The following IQCM variants were observed in gnomAD, a reference collection of about 807,000 sequenced individuals.
The protein encoded by IQCM is IQ motif containing M, also known as IQ domain-containing protein M.
IQCM carries 45 observed loss-of-function variants against 57.6 expected under a neutral mutation model. The observed-to-expected ratio is 0.78, with a 90% CI of 0.62 to 1.00. The LOEUF (loss-of-function observed/expected upper bound fraction) is 1.00, where lower values mean the gene tolerates loss of function less well. IQCM is among the 50% of genes least tolerant of loss of function. The probability of loss-of-function intolerance (pLI) is 0.00; values close to 1 mark genes in which losing one functional copy is unlikely to be tolerated. For synonymous variants in IQCM, 148 were observed against 158.9 expected, an observed-to-expected ratio of 0.93 and a Z score of 0.51; for missense variants, 468 against 511.6, an observed-to-expected ratio of 0.91 and a Z score of 0.82.
intron 2 of IQCM, among the ~76,000 whole-genome samples, chr4:149,776,441 T>A (rs1350886466): frequency 6.6e-6 from 1 of 152,154 alleles, no homozygotes; most frequent in African/African-American, 2.4e-5. Flanking sequence ...ATTTCAAATC[T>A]AATATCTTTC....
At chr4:149,670,522 G>A (rs1005675639) in intron 7 of IQCM, among the ~76,000 whole-genome samples, 3 of 152,172 alleles carry the variant, frequency 2.0e-5, no homozygotes, top group Admixed American at 1.3e-4. Context: ...ACGTTGAATA[G>A]GAGTGGTGAG....
chr4:149,355,512 C>G (rs886881696), intron 13 of IQCM, among the ~76,000 whole-genome samples: 1 of 150,420 alleles, frequency 6.6e-6, no homozygotes, highest in East Asian at 2.0e-4. Context: ...TTTGTCCTTG[C>G]GATAGTTTGC....
intron 12 of IQCM, among the ~76,000 whole-genome samples, chr4:149,534,757 T>C (rs1159498729): frequency 2.0e-5 from 3 of 152,116 alleles, no homozygotes; most frequent in African/African-American, 7.2e-5. Context: ...GTATTCCATG[T>C]TGATTTCAAT....
chr4:149,466,895 A>T (rs776555197), intron 12 of IQCM, among the ~76,000 whole-genome samples: 1 of 152,170 alleles, frequency 6.6e-6, no homozygotes, highest in Non-Finnish European at 1.5e-5. Context: ...CTGCATCCAC[A>T]CAAGACAGAA....
At chr4:149,424,641 G>A (rs1315127062) in intron 13 of IQCM, among the ~76,000 whole-genome samples, 1 of 151,564 alleles carries the variant, frequency 6.6e-6, no homozygotes. Context: ...ATACTATTCT[G>A]TGATCTTTTT....
At chr4:149,396,632 T>C (rs1320655549) in intron 13 of IQCM, among the ~76,000 whole-genome samples, 4 of 152,034 alleles carry the variant, frequency 2.6e-5, no homozygotes, top group African/African-American at 7.2e-5. Flanking sequence ...TATGTTGTTA[T>C]TGACTATAGG....
At chr4:149,534,586 T>A (rs1375005571) in intron 12 of IQCM, among the ~76,000 whole-genome samples, 1 of 152,116 alleles carries the variant, frequency 6.6e-6, no homozygotes, top group Non-Finnish European at 1.5e-5. Flanking sequence ...ATATAAGGAA[T>A]CATTGACGAG....
At chr4:149,720,339 TATTA>T (rs1430623898) in intron 5 of IQCM, among the ~76,000 whole-genome samples, 11 of 152,352 alleles carry the variant, frequency 7.2e-5, no homozygotes, top group African/African-American at 2.6e-4. Flanking sequence ...TATAACATAC[TATTA>T]ATTCTATGTA....
At chr4:149,457,503 T>C (rs1737823992) in intron 12 of IQCM, among the ~76,000 whole-genome samples, 1 of 152,064 alleles carries the variant, frequency 6.6e-6, no homozygotes, top group Non-Finnish European at 1.5e-5. Flanking sequence ...ATTTTTTAAA[T>C]GTATAATAAA....
intron 13 of IQCM, among the ~76,000 whole-genome samples, chr4:149,359,410 A>G (rs1022549308): frequency 2.0e-5 from 3 of 152,148 alleles, no homozygotes; most frequent in African/African-American, 7.2e-5. Context: ...GCTTATCTAC[A>G]TTTTCAATGG....
chr4:149,564,657 T>C (rs747243255), intron 9 of IQCM, among the ~76,000 whole-genome samples: 1 of 152,134 alleles, frequency 6.6e-6, no homozygotes, highest in African/African-American at 2.4e-5. Context: ...CCTAGTCTCC[T>C]AGGCTATATT....
intron 13 of IQCM, among the ~76,000 whole-genome samples, chr4:149,385,111 G>A (rs1731330545): frequency 6.6e-6 from 1 of 152,066 alleles, no homozygotes; most frequent in South Asian, 2.1e-4. Context: ...AGATACTGGA[G>A]AGTGCCTACT....
chr4:149,497,242 C>A (rs1312988107), intron 12 of IQCM, among the ~76,000 whole-genome samples: 1 of 152,004 alleles, frequency 6.6e-6, no homozygotes, highest in Non-Finnish European at 1.5e-5. Flanking sequence ...AGGACTGGGC[C>A]TAAGAAGGTC....
chr4:149,635,899 T>C (rs536086248), intron 7 of IQCM, among the ~76,000 whole-genome samples: 1 of 152,214 alleles, frequency 6.6e-6, no homozygotes, highest in East Asian at 1.9e-4. Context: ...TTTCTAGTAA[T>C]AGAGGAAATA....
At chr4:149,763,853 T>A (rs1212684952) in intron 2 of IQCM, among the ~76,000 whole-genome samples, 1 of 152,186 alleles carries the variant, frequency 6.6e-6, no homozygotes, top group East Asian at 1.9e-4. Flanking sequence ...GGGAACTTTT[T>A]TTTTTAATCT....
At chr4:149,537,848 C>T (rs1169075561) in intron 12 of IQCM, among the ~76,000 whole-genome samples, 1 of 151,494 alleles carries the variant, frequency 6.6e-6, no homozygotes, top group African/African-American at 2.4e-5. Flanking sequence ...AATTGGCAAC[C>T]AAGAATTCTA....
At chr4:149,462,625 A>G (rs1044991182) in intron 12 of IQCM, among the ~76,000 whole-genome samples, 14 of 152,252 alleles carry the variant, frequency 9.2e-5, no homozygotes, top group Admixed American at 4.6e-4. Flanking sequence ...TTTACCTTAC[A>G]TGTGTCTTTT....
chr4:149,810,966 T>G (rs544483518), intron 2 of IQCM, among the ~76,000 whole-genome samples: 1 of 152,296 alleles, frequency 6.6e-6, no homozygotes, highest in South Asian at 2.1e-4. Context: ...GCCTGAACCC[T>G]GCTATAGCTG....
At chr4:149,619,964 C>T (rs1756177747) in intron 8 of IQCM, among the ~76,000 whole-genome samples, 2 of 152,092 alleles carry the variant, frequency 1.3e-5, no homozygotes, top group South Asian at 4.1e-4. Flanking sequence ...TGAGACCAGC[C>T]TAACCAATAT....
Sources: gnomAD v4.1 joint callset for allele counts (sites outside exome capture counted in the v4.1 genomes callset) on GRCh38, gnomAD v4.1.1 for gene constraint, MANE v1.5 for transcripts, NCBI Gene and HGNC (gene_info 2026-07-23, HGNC 2026-07-21) for gene names.